UQCC1: variants seen among roughly 807,000 people sequenced by gnomAD.
The protein encoded by UQCC1 is ubiquinol-cytochrome c reductase complex assembly factor 1, also known as bFGF-repressed Zic-binding protein.
In UQCC1, 38 loss-of-function variants were observed where a neutral mutation model predicts 48.0. That is an observed-to-expected ratio of 0.79 (90% confidence interval 0.61 to 1.04). The LOEUF (loss-of-function observed/expected upper bound fraction) is 1.04, where lower values mean the gene tolerates loss of function less well. UQCC1 is among the 50% of genes least tolerant of loss of function. The pLI, the probability that UQCC1 is intolerant of heterozygous loss-of-function variation, is 0.00. For synonymous variants in UQCC1, 111 were observed against 129.2 expected, an observed-to-expected ratio of 0.86 and a Z score of 0.95; for missense variants, 368 against 381.8, an observed-to-expected ratio of 0.96 and a Z score of 0.30.
In UQCC1 at chr20:35,347,178, C is replaced by T. The variant is rs765250406; in HGVS notation, c.559G>A (p.Gly187Ser). The T allele has an allele frequency of 1.4e-5, 23 of 1,614,030 alleles. No homozygotes were observed. The South Asian group carries it at 1.6e-4, about 12-fold the overall frequency. The change falls in exon 7 of 10, where the codon GGC (glycine) becomes AGC (serine). Residue 187 changes from glycine (G) to serine (S), a missense_variant. Gly to Ser is a moderately conservative substitution (Grantham distance 56). Coordinates refer to ENST00000374385, the MANE Select transcript of UQCC1 (RefSeq NM_018244.5). ...HFMWEDVQQR[G>S]RVMGVNPYIL... ...CACTCACTTACCCCCATGACTCTGCCGCGCTGCTGAACATCCTCCCACATA... is the reference window on the plus strand; with the variant it reads ...CACTCACTTACCCCCATGACTCTGCTGCGCTGCTGAACATCCTCCCACATA...
intron 7 of UQCC1, among the ~76,000 whole-genome samples, chr20:35,323,499 T>C (rs1349569154): frequency 6.6e-6 from 1 of 152,218 alleles, no homozygotes; most frequent in East Asian, 1.9e-4. Context: ...AAAAGCCATA[T>C]GCAAAGGTCA....
intron 5 of UQCC1, 32 bp from the exon 6 acceptor site, chr20:35,366,646 A>G: frequency 6.4e-7 from 1 of 1,571,498 alleles, no homozygotes; most frequent in Non-Finnish European, 8.8e-7. Context: ...TAAGTATGTG[A>G]GGGTTTAAAG....
intron 7 of UQCC1, among the ~76,000 whole-genome samples, chr20:35,317,808 G>C (rs2146316346): frequency 6.6e-6 from 1 of 152,330 alleles, no homozygotes; most frequent in Admixed American, 6.5e-5. Flanking sequence ...TATCCAACTA[G>C]TGTTTTAGGG....
chr20:35,354,111 C>T (rs1032791121), intron 6 of UQCC1, among the ~76,000 whole-genome samples: 15 of 151,964 alleles, frequency 9.9e-5, no homozygotes, highest in East Asian at 1.9e-4. Context: ...GCTATACCAC[C>T]GAGGTTTGTG....
chr20:35,375,378 G>A (rs759564173), intron 4 of UQCC1, among the ~76,000 whole-genome samples: 7 of 152,146 alleles, frequency 4.6e-5, no homozygotes, highest in Non-Finnish European at 1.0e-4. Flanking sequence ...GTCTCTGATT[G>A]TAATTAAGAT....
intron 1 of UQCC1, among the ~76,000 whole-genome samples, chr20:35,397,005 A>C (rs2062087714): frequency 6.6e-6 from 1 of 152,128 alleles, no homozygotes; most frequent in South Asian, 2.1e-4. Flanking sequence ...TGGGTTCTGC[A>C]TCCATGGATT....
intron 7 of UQCC1, among the ~76,000 whole-genome samples, chr20:35,339,960 T>C (rs924065679): frequency 1.3e-5 from 2 of 152,178 alleles, no homozygotes; most frequent in African/African-American, 4.8e-5. Flanking sequence ...TACCCCTAAA[T>C]ACTTCAATAT....
At chr20:35,351,410 C>T (rs1231655263) in intron 6 of UQCC1, among the ~76,000 whole-genome samples, 1 of 146,532 alleles carries the variant, frequency 6.8e-6, no homozygotes, top group African/African-American at 2.5e-5. Context: ...AAAAAAAAAG[C>T]ACTTTGTGAC....
intron 1 of UQCC1, among the ~76,000 whole-genome samples, chr20:35,408,960 T>A (rs1462887278): frequency 6.6e-6 from 1 of 152,170 alleles, no homozygotes; most frequent in East Asian, 1.9e-4. Flanking sequence ...AAATACTGTA[T>A]GATTCCACTT....
At chr20:35,366,728 G>A (rs761170923) in intron 5 of UQCC1, 114 bp from the exon 6 acceptor site, 25 of 833,382 alleles carry the variant, frequency 3.0e-5, no homozygotes, top group Non-Finnish European at 4.8e-5. Context: ...TGCTATTGCA[G>A]AAAAGTCCAG....
At chr20:35,370,896 C>T (rs2061722502) in intron 5 of UQCC1, among the ~76,000 whole-genome samples, 1 of 152,208 alleles carries the variant, frequency 6.6e-6, no homozygotes, top group Admixed American at 6.5e-5. Flanking sequence ...AACCAGACAA[C>T]ACAGGTTCAA....
At chr20:35,405,386 T>C (rs903104629) in intron 1 of UQCC1, among the ~76,000 whole-genome samples, 1 of 152,132 alleles carries the variant, frequency 6.6e-6, no homozygotes, top group Non-Finnish European at 1.5e-5. Context: ...CAATCTGATT[T>C]CCGGAGTGGC....
intron 4 of UQCC1, among the ~76,000 whole-genome samples, chr20:35,374,785 A>C (rs2061777103): frequency 6.6e-6 from 1 of 152,146 alleles, no homozygotes. Flanking sequence ...TGTGTCTGTA[A>C]ATAAGGGTTT....
chr20:35,333,674 T>C (rs1305177806), intron 7 of UQCC1, among the ~76,000 whole-genome samples: 1 of 152,186 alleles, frequency 6.6e-6, no homozygotes, highest in African/African-American at 2.4e-5. Context: ...TGCTGCCCCC[T>C]GACACCAAAC....
intron 7 of UQCC1, among the ~76,000 whole-genome samples, chr20:35,326,385 G>A (rs1375984068): frequency 3.3e-5 from 5 of 152,244 alleles, no homozygotes; most frequent in Non-Finnish European, 7.3e-5. Context: ...GCAGTGCCAA[G>A]CGCAGACAAC....
At chr20:35,375,382 TTAAGA>T (rs2146464042) in intron 4 of UQCC1, among the ~76,000 whole-genome samples, 1 of 152,310 alleles carries the variant, frequency 6.6e-6, no homozygotes, top group Non-Finnish European at 1.5e-5. Flanking sequence ...CTGATTGTAA[TTAAGA>T]TATTTTATTT....
At position 35,388,336 on chromosome 20, in the gene UQCC1, G is replaced by C. The variant is rs1229809546; in HGVS notation, c.130-4203C>G. 2.3e-5 allele frequency among the ~76,000 whole-genome samples: 3 copies of C among 132,308 alleles called. No individual in the cohort carries two copies. The Admixed American group carries it at 2.7e-4, about 12-fold the overall frequency. 86.8% of individuals were successfully genotyped at this position (132,308 alleles called of 152,430 possible). ...GACAGGGTCTTGCTCTGTCACCCAG[G>C]CTGGAGTACAGTGGTGTGGTCATGG... On this transcript the variant is annotated intron_variant, in intron 2 of 9. Transcript: ENST00000374385.
intron 6 of UQCC1, 53 bp from the exon 7 acceptor site, chr20:35,347,325 C>T: frequency 1.2e-6 from 2 of 1,600,642 alleles, no homozygotes; most frequent in South Asian, 2.2e-5. Context: ...TTTCACATCA[C>T]ACATTTCCAC....
chr20:35,308,255 T>C (rs2060950156), intron 8 of UQCC1, among the ~76,000 whole-genome samples: 1 of 152,240 alleles, frequency 6.6e-6, no homozygotes, highest in Non-Finnish European at 1.5e-5. Context: ...CTTAGGACTG[T>C]CCTGGCACAA....
Sources: allele counts gnomAD v4.1 joint callset (sites outside exome capture counted in the v4.1 genomes callset), GRCh38; gene constraint gnomAD v4.1.1; transcripts MANE v1.5; gene names NCBI Gene and HGNC (gene_info 2026-07-23, HGNC 2026-07-21).